The following DPP6 variants were observed in gnomAD, a reference collection of about 807,000 sequenced individuals.
DPP6 encodes the protein dipeptidyl peptidase like 6, also known as A-type potassium channel modulatory protein DPP6.
A neutral mutation model predicts 122.6 loss-of-function variants in DPP6; 69 were observed. The observed-to-expected ratio is 0.56, with a 90% confidence interval of 0.46 to 0.69. The LOEUF (loss-of-function observed/expected upper bound fraction) is 0.69, where lower values mean the gene tolerates loss of function less well. DPP6 is among the 30% of genes least tolerant of loss of function. The pLI is 0.00. For synonymous variants in DPP6, 418 were observed against 433.1 expected (o/e 0.97, Z 0.43); for missense variants, 928 against 1,116.9 (o/e 0.83, Z 2.41).
upstream of DPP6, among the ~76,000 whole-genome samples, chr7:153,883,994 T>G (rs28620678): frequency 6.3e-3 from 967 of 152,292 alleles, 4 homozygotes; most frequent in African/African-American, 0.013. Flanking sequence ...TTTCTTTTTT[T>G]GGGGGAATTT....
chr7:154,400,529 G>T (rs1449596839), intron 1 of DPP6, among the ~76,000 whole-genome samples: 1 of 152,210 alleles, frequency 6.6e-6, no homozygotes, highest in Non-Finnish European at 1.5e-5. Context: ...CCCACCAGAT[G>T]CCATGATTGA....
intron 1 of DPP6, among the ~76,000 whole-genome samples, chr7:154,367,212 G>A (rs146193649): frequency 1.2e-3 from 178 of 152,216 alleles, no homozygotes; most frequent in African/African-American, 4.1e-3. Flanking sequence ...ACAGAGACCC[G>A]GAAGGATCCT....
chr7:153,897,529 C>T (rs924892544), intron 1 of DPP6, among the ~76,000 whole-genome samples: 3 of 152,178 alleles, frequency 2.0e-5, no homozygotes, highest in Non-Finnish European at 2.9e-5. Flanking sequence ...TAGCTTGAAG[C>T]CTTTTAACTA....
At chr7:153,805,454 G>GT in the DPP6 span, among the ~76,000 whole-genome samples, 2 of 152,128 alleles carry the variant, frequency 1.3e-5, no homozygotes, top group Non-Finnish European at 2.9e-5. Flanking sequence ...GGCAACGTTT[G>GT]TTTAAAATAC....
At chr7:154,619,517 T>C (rs1834498070) in intron 5 of DPP6, among the ~76,000 whole-genome samples, 1 of 152,206 alleles carries the variant, frequency 6.6e-6, no homozygotes, top group African/African-American at 2.4e-5. Flanking sequence ...TATGAAACTC[T>C]CACCTATATT....
rs577879404 is a variant in DPP6, at chr7:154,721,464, A to G, written c.763-6303A>G. ...TTAAGCGAGTTAATGCTCATAAAGC[A>G]CTTTCGAAGTGTCTGCCCAACATAT... On this transcript the variant is annotated intron_variant, in intron 7 of 25. Transcript: ENST00000377770. Among the ~76,000 whole-genome samples, 11 of 152,330 alleles carry G rather than the reference A, an allele frequency of 7.2e-5. 2 individuals are homozygous for G. Among genetic ancestry groups the G allele is most frequent in the African/African-American group, 2.6e-4 (11 of 41,576 alleles).
intron 1 of DPP6, among the ~76,000 whole-genome samples, chr7:153,939,120 T>C (rs187941482): frequency 2.1e-4 from 32 of 152,248 alleles, no homozygotes; most frequent in African/African-American, 6.0e-4. Flanking sequence ...TTTTAATATA[T>C]TATTTTCATT....
chr7:154,032,211 T>G (rs963406039), intron 1 of DPP6, among the ~76,000 whole-genome samples: 2 of 152,088 alleles, frequency 1.3e-5, no homozygotes, highest in African/African-American at 4.8e-5. Flanking sequence ...ATTGGATATC[T>G]GATTTGACAG....
chr7:154,323,603 G>A (rs1227832896), intron 1 of DPP6, among the ~76,000 whole-genome samples: 2 of 152,216 alleles, frequency 1.3e-5, no homozygotes, highest in Admixed American at 1.3e-4. Flanking sequence ...TCTGGGGTAA[G>A]TGGATGGAAT....
At chr7:154,044,204 G>T (rs1799906654) in intron 1 of DPP6, among the ~76,000 whole-genome samples, 1 of 152,096 alleles carries the variant, frequency 6.6e-6, no homozygotes, top group Admixed American at 6.5e-5. Context: ...TTACTTTTTT[G>T]ATTACCAAAT....
intron 1 of DPP6, among the ~76,000 whole-genome samples, chr7:154,445,076 G>T (rs1187901597): frequency 1.3e-5 from 2 of 152,124 alleles, no homozygotes; most frequent in East Asian, 3.8e-4. Flanking sequence ...ATTGCATATT[G>T]TCTATTTTAG....
chr7:153,891,351 G>A (rs1033864053), intron 1 of DPP6, among the ~76,000 whole-genome samples: 2 of 141,320 alleles, frequency 1.4e-5, no homozygotes, highest in African/African-American at 3.2e-5. Flanking sequence ...TTCTTGAGAA[G>A]AGTCTATTTC....
intron 1 of DPP6, among the ~76,000 whole-genome samples, chr7:154,343,198 C>A (rs1278214789): frequency 6.6e-6 from 1 of 152,242 alleles, no homozygotes; most frequent in African/African-American, 2.4e-5. Flanking sequence ...CATTTACTCA[C>A]TGCAACGCCA....
intron 1 of DPP6, among the ~76,000 whole-genome samples, chr7:153,967,522 C>T (rs577405303): frequency 1.4e-4 from 21 of 152,142 alleles, no homozygotes; most frequent in African/African-American, 3.4e-4. Context: ...AGAGTTGGTC[C>T]GTTGTCACAT....
chr7:154,609,096 C>T (rs1833751880), intron 5 of DPP6, among the ~76,000 whole-genome samples: 1 of 152,220 alleles, frequency 6.6e-6, no homozygotes. Flanking sequence ...CCCAGACTTT[C>T]GCCAAAACTC....
At chr7:153,937,437 CTTTTTTTTTTTTT>C (rs201001951) in intron 1 of DPP6, among the ~76,000 whole-genome samples, 4 of 115,510 alleles carry the variant, frequency 3.5e-5, no homozygotes, top group Non-Finnish European at 5.2e-5. Flanking sequence ...TCAGAGCTAA[CTTTTTTTTTTTTT>C]TTTTTTTTTT....
intron 1 of DPP6, among the ~76,000 whole-genome samples, chr7:153,969,674 T>G (rs1191535242): frequency 6.7e-6 from 1 of 149,246 alleles, no homozygotes; most frequent in African/African-American, 2.6e-5. Flanking sequence ...TATACTTTTT[T>G]GTGTCCTCTT....
At position 154,540,064 on chromosome 7, in the gene DPP6, C is replaced by T. The variant is rs543854228; in HGVS notation, c.458-468C>T. 6.6e-5 allele frequency among the ~76,000 whole-genome samples: 10 copies of T among 151,440 alleles called. No homozygotes were observed. In the South Asian group the frequency reaches 1.2e-3, roughly 19 times the overall value. ...ATAGATTCAAAGGTATTCATGGCAG[C>T]GAAGAGCTAATTCCTCCAAGCAAGA... is the stretch of plus-strand genomic sequence containing the variant. On this transcript the variant is annotated intron_variant, in intron 3 of 25. Transcript: ENST00000377770.
At chr7:153,922,738 G>A (rs1385979092) in intron 1 of DPP6, among the ~76,000 whole-genome samples, 1 of 152,104 alleles carries the variant, frequency 6.6e-6, no homozygotes, top group Admixed American at 6.6e-5. Context: ...TGTGGTAAAA[G>A]AACATTTACC....
Sources: allele counts gnomAD v4.1 joint callset (sites outside exome capture counted in the v4.1 genomes callset), GRCh38; gene constraint gnomAD v4.1.1; transcripts MANE v1.5; gene names NCBI Gene and HGNC (gene_info 2026-07-23, HGNC 2026-07-21).